The following CTSO variants were observed in gnomAD, a reference collection of about 807,000 sequenced individuals.
CTSO encodes cathepsin O.
Under a neutral mutation model 42.4 loss-of-function variants are expected in CTSO, and 40 were observed. The observed-to-expected ratio is 0.94, with a 90% confidence interval of 0.73 to 1.23. CTSO has a LOEUF of 1.23. Ranked by LOEUF, CTSO falls within the 50% of genes most tolerant of loss-of-function variation. The pLI is 0.00. For missense variants in CTSO, 441 were observed against 396.0 expected, an observed-to-expected ratio of 1.11 and a Z score of -0.96; for synonymous variants, 156 against 146.2, an observed-to-expected ratio of 1.07 and a Z score of -0.48.
intron 1 of CTSO, among the ~76,000 whole-genome samples, chr4:155,949,979 C>T (rs1038244278): frequency 7.3e-6 from 1 of 136,412 alleles, no homozygotes; most frequent in Non-Finnish European, 1.6e-5. Context: ...TGTTGAGGAG[C>T]CTTGGATTAG....
intron 1 of CTSO, among the ~76,000 whole-genome samples, chr4:155,948,562 C>T (rs1029009751): frequency 6.6e-6 from 1 of 152,172 alleles, no homozygotes; most frequent in Admixed American, 6.5e-5. Flanking sequence ...AGTCATGAAA[C>T]ATCCCAGCAA....
In CTSO at chr4:155,937,361, C is replaced by T; in HGVS notation, c.674+1G>A. 1 of 1,600,098 alleles carries T rather than the reference C, an allele frequency of 6.2e-7. No homozygotes were observed. The highest frequency in any genetic ancestry group is 8.6e-7 in the Non-Finnish European group (1 of 1,168,658). On this transcript the variant is annotated splice_donor_variant, in intron 5 of 7. Coordinates refer to ENST00000433477, the MANE Select transcript of CTSO (RefSeq NM_001334.3). LOFTEE classifies it high-confidence loss of function. ...AAAACATAATACAATAAGATCTTTA[C>T]CTGAAGTCATATGCAGAATAACCTT...
intron 1 of CTSO, 84 bp downstream of exon 1, chr4:155,953,629 C>T: frequency 8.2e-7 from 1 of 1,226,770 alleles, no homozygotes; most frequent in East Asian, 3.2e-5. Flanking sequence ...AGGGTCAGCT[C>T]TCGGGGGCCC....
intron 5 of CTSO, 60 bp downstream of exon 5, chr4:155,937,302 A>T: frequency 7.3e-7 from 1 of 1,372,812 alleles, no homozygotes; most frequent in East Asian, 2.4e-5. Context: ...ATTATTAACC[A>T]GTCAATAGAT....
intron 7 of CTSO, among the ~76,000 whole-genome samples, 189 bp downstream of exon 7, chr4:155,928,147 G>C (rs1016947768): frequency 3.3e-5 from 5 of 151,248 alleles, no homozygotes; most frequent in African/African-American, 1.2e-4. Flanking sequence ...TTTTACTAAG[G>C]TCCCTCTTCC....
At chr4:155,937,260 G>A in intron 5 of CTSO, 102 bp downstream of exon 5, 1 of 825,126 alleles carries the variant, frequency 1.2e-6, no homozygotes, top group Non-Finnish European at 1.9e-6. Flanking sequence ...GTTTTACAAG[G>A]ATTAAGAGTA....
intron 5 of CTSO, among the ~76,000 whole-genome samples, chr4:155,931,796 G>GTTATAATAAT (rs1743238609): frequency 1.3e-5 from 2 of 149,776 alleles, no homozygotes; most frequent in Non-Finnish European, 3.0e-5. Flanking sequence ...TTATTATAAC[G>GTTATAATAAT]AATTATTATT....
Position 155,925,941 on chromosome 4 carries a change from T to C in CTSO, c.*95A>G. The C allele has an allele frequency of 9.3e-7, 1 of 1,077,098 alleles. No homozygotes were observed. The highest frequency in any genetic ancestry group is 1.4e-6 in the Non-Finnish European group (1 of 723,864). The allele number at this position is 1,077,098 out of a possible 1,614,324, so 66.7% of individuals were successfully genotyped here. ...CTTAGAATCTTTTGTAGGTAGTTGC[T>C]GAAACTTGAAGTTGAATAATACTTT... On this transcript the variant is annotated 3_prime_UTR_variant, in exon 8 of 8. Transcript: ENST00000433477.
At chr4:155,939,596 T>C (rs1743393454) in intron 3 of CTSO, 58 bp from the exon 4 acceptor site, 1 of 1,427,440 alleles carries the variant, frequency 7.0e-7, no homozygotes. Flanking sequence ...CTTACCAACA[T>C]CTCTAAATGT....
chr4:155,948,373 T>TTGTGTGTG (rs55984712), intron 1 of CTSO, among the ~76,000 whole-genome samples: 1 of 150,972 alleles, frequency 6.6e-6, no homozygotes, highest in African/African-American at 2.4e-5. Flanking sequence ...AAAGCTGCCT[T>TTGTGTGTG]TGTGTGTGTG....
chr4:155,945,320 C>T (rs1484713722), intron 1 of CTSO, among the ~76,000 whole-genome samples: 1 of 151,796 alleles, frequency 6.6e-6, no homozygotes, highest in South Asian at 2.1e-4. Flanking sequence ...ACCAATTTAC[C>T]AATATTAGGA....
intron 5 of CTSO, among the ~76,000 whole-genome samples, chr4:155,936,300 T>G (rs1042424089): frequency 7.2e-5 from 11 of 152,160 alleles, no homozygotes; most frequent in Non-Finnish European, 1.5e-4. Flanking sequence ...GGAGCTGTGT[T>G]GACAACCTGA....
chr4:155,950,195 A>G (rs1288061977), intron 1 of CTSO, among the ~76,000 whole-genome samples: 4 of 152,234 alleles, frequency 2.6e-5, no homozygotes, highest in African/African-American at 9.6e-5. Flanking sequence ...TCTTTTGTGA[A>G]CTACTTGGGA....
chr4:155,947,229 T>A (rs887972225), intron 1 of CTSO, among the ~76,000 whole-genome samples: 2 of 152,154 alleles, frequency 1.3e-5, no homozygotes, highest in African/African-American at 4.8e-5. Flanking sequence ...ATAATCAACC[T>A]CTCTGAGCTT....
Position 155,928,338 on chromosome 4 carries a change from C to G in CTSO, c.929G>C (p.Cys310Ser). ...YAHVKMGSNVCGIADSVSSIF... is the reference protein window; with the variant it reads ...YAHVKMGSNVSGIADSVSSIF... Reference sequence around the variant, plus strand: ...TTAAACACAAACTCATGACTTACCACAAACATTACTTCCCATTTTGACATG... The same window carrying G: ...TTAAACACAAACTCATGACTTACCAGAAACATTACTTCCCATTTTGACATG... The change falls in exon 7 of 8, where the codon TGT (cysteine) becomes TCT (serine). Residue 310 changes from cysteine (C) to serine (S), a missense_variant and splice_region_variant. By Grantham distance (112) the Cys-to-Ser change is moderately radical. Coordinates refer to ENST00000433477, the MANE Select transcript of CTSO (RefSeq NM_001334.3). 2 of 1,607,564 alleles carry G rather than the reference C, an allele frequency of 1.2e-6. No homozygotes were observed. The highest frequency in any genetic ancestry group is 2.2e-5 in the South Asian group (2 of 90,114).
intron 4 of CTSO, among the ~76,000 whole-genome samples, chr4:155,937,706 C>A (rs1743354183): frequency 6.6e-6 from 1 of 152,078 alleles, no homozygotes; most frequent in African/African-American, 2.4e-5. Context: ...TCTCCACCTC[C>A]TGGGCACCAG....
intron 5 of CTSO, among the ~76,000 whole-genome samples, chr4:155,934,207 T>G (rs1476818993): frequency 2.0e-5 from 3 of 152,174 alleles, no homozygotes; most frequent in Admixed American, 2.0e-4. Context: ...AACATAGAGC[T>G]CAGGCTGTGG....
chr4:155,951,975 A>G (rs996960845), intron 1 of CTSO, among the ~76,000 whole-genome samples: 5 of 152,102 alleles, frequency 3.3e-5, no homozygotes, highest in African/African-American at 1.2e-4. Context: ...GGGGACCACT[A>G]AGGTAGAAAA....
At chr4:155,927,544 CAGATCACG>C (rs1484359196) in intron 7 of CTSO, among the ~76,000 whole-genome samples, 1 of 152,076 alleles carries the variant, frequency 6.6e-6, no homozygotes, top group Non-Finnish European at 1.5e-5. Context: ...CCAAGGAGGG[CAGATCACG>C]AGGTCAGGAG....
Sources: gnomAD v4.1 joint callset for allele counts (sites outside exome capture counted in the v4.1 genomes callset) on GRCh38, gnomAD v4.1.1 for gene constraint, MANE v1.5 for transcripts, NCBI Gene and HGNC (gene_info 2026-07-23, HGNC 2026-07-21) for gene names.